The following PDE4B variants were observed in gnomAD, a reference collection of about 807,000 sequenced individuals.
The protein encoded by PDE4B is phosphodiesterase 4B, also known as 3',5'-cyclic-AMP phosphodiesterase 4B.
In PDE4B, 20 loss-of-function variants were observed where a neutral mutation model predicts 82.2. The observed-to-expected ratio is 0.24, with a 90% confidence interval of 0.17 to 0.35. The LOEUF (loss-of-function observed/expected upper bound fraction) is 0.35, where lower values mean the gene tolerates loss of function less well. Among genes scored for constraint, PDE4B ranks in the 10% least tolerant of loss-of-function variants. The pLI, the probability that PDE4B is intolerant of heterozygous loss-of-function variation, is 1.00. For synonymous variants in PDE4B, 320 were observed against 318.9 expected, an observed-to-expected ratio of 1.00 and a Z score of -0.04; for missense variants, 655 against 907.2, an observed-to-expected ratio of 0.72 and a Z score of 3.57.
At chr1:66,221,393 A>G (rs1281189548) in intron 3 of PDE4B, among the ~76,000 whole-genome samples, 4 of 152,196 alleles carry the variant, frequency 2.6e-5, no homozygotes, top group Admixed American at 6.5e-5. Flanking sequence ...ACAATTGCTC[A>G]AGGGCATAGA....
At chr1:66,316,419 T>G (rs542002859) in intron 7 of PDE4B, among the ~76,000 whole-genome samples, 2 of 152,354 alleles carry the variant, frequency 1.3e-5, no homozygotes, top group East Asian at 3.9e-4. Flanking sequence ...CTTTAAAAAT[T>G]GCCTTAGGCA....
intron 7 of PDE4B, among the ~76,000 whole-genome samples, chr1:66,327,143 A>C (rs1419313250): frequency 2.0e-5 from 3 of 152,048 alleles, no homozygotes; most frequent in African/African-American, 7.2e-5. Context: ...TCTTCTCTGG[A>C]TCTCTCCCTC....
intron 3 of PDE4B, among the ~76,000 whole-genome samples, chr1:65,994,434 A>T (rs1395266210): frequency 6.6e-6 from 1 of 152,086 alleles, no homozygotes; most frequent in Non-Finnish European, 1.5e-5. Context: ...GTATTACATC[A>T]TGTTGTTTAA....
At position 66,107,752 on chromosome 1, in the gene PDE4B, C is replaced by G. The variant is rs546944381; in HGVS notation, c.282-139708C>G. ...AGTAAGTCTTTCTGAAGATTGGATA[C>G]TGTAAAATCCAAAACTATTCTAAGC... On this transcript the variant is annotated intron_variant, in intron 3 of 16. Coordinates refer to ENST00000341517, the MANE Select transcript of PDE4B (RefSeq NM_002600.4). Among the ~76,000 whole-genome samples the G allele has an allele frequency of 5.8e-4, 88 of 151,888 alleles. 1 individual carries two copies. The highest frequency in any genetic ancestry group is 2.1e-3 in the African/African-American group (86 of 41,500).
At chr1:65,894,410 A>G (rs1646886640) in intron 1 of PDE4B, among the ~76,000 whole-genome samples, 2 of 152,196 alleles carry the variant, frequency 1.3e-5, no homozygotes, top group African/African-American at 4.8e-5. Flanking sequence ...TACATATGAA[A>G]CTTAAATATA....
intron 3 of PDE4B, among the ~76,000 whole-genome samples, chr1:65,968,949 A>T (rs1649990183): frequency 6.6e-6 from 1 of 152,188 alleles, no homozygotes; most frequent in South Asian, 2.1e-4. Flanking sequence ...ATATTAAAAT[A>T]TTCATAACCA....
At chr1:66,313,958 CT>C (rs775811523) in intron 7 of PDE4B, among the ~76,000 whole-genome samples, 1 of 152,124 alleles carries the variant, frequency 6.6e-6, no homozygotes, top group Non-Finnish European at 1.5e-5. Context: ...TCTCCCCCTC[CT>C]CCCCTAACTC....
intron 3 of PDE4B, among the ~76,000 whole-genome samples, chr1:66,129,146 T>C (rs1023618399): frequency 2.6e-5 from 4 of 152,242 alleles, no homozygotes; most frequent in Admixed American, 6.5e-5. Flanking sequence ...TCTAGAGACG[T>C]TGTGTTATTC....
intron 3 of PDE4B, among the ~76,000 whole-genome samples, chr1:66,047,622 G>A (rs568827478): frequency 7.5e-4 from 114 of 151,992 alleles, no homozygotes; most frequent in African/African-American, 2.6e-3. Context: ...GTGGCAGAAA[G>A]TTCCATATAG....
At chr1:65,830,951 T>C (rs1646075275) in intron 1 of PDE4B, among the ~76,000 whole-genome samples, 1 of 152,040 alleles carries the variant, frequency 6.6e-6, no homozygotes, top group Non-Finnish European at 1.5e-5. Flanking sequence ...TCAGCCTAAA[T>C]TTACTCTAAA....
rs369926328 is a variant in PDE4B at position 66,140,282 on chromosome 1, G to A, written c.282-107178G>A. ...GCAAATCCAGAAAGGCCAGCCACTCGAAACCGCCTCAGAGAGGGCCAGGAA... is the reference window on the plus strand; with the variant it reads ...GCAAATCCAGAAAGGCCAGCCACTCAAAACCGCCTCAGAGAGGGCCAGGAA... On this transcript the variant is annotated intron_variant, in intron 3 of 16. Coordinates refer to ENST00000341517, the MANE Select transcript of PDE4B (RefSeq NM_002600.4). Among the ~76,000 whole-genome samples, 173 of 152,212 alleles carry A rather than the reference G, an allele frequency of 1.1e-3. 1 individual carries two copies. The highest frequency in any genetic ancestry group is 6.6e-3 in the East Asian group (34 of 5,188).
At chr1:66,160,867 A>G (rs1188730971) in intron 3 of PDE4B, among the ~76,000 whole-genome samples, 1 of 152,194 alleles carries the variant, frequency 6.6e-6, no homozygotes, top group Non-Finnish European at 1.5e-5. Context: ...AGGTGCCTCT[A>G]TCAGACTTCA....
chr1:65,815,852 T>A (rs1462493265), intron 1 of PDE4B, among the ~76,000 whole-genome samples: 1 of 152,230 alleles, frequency 6.6e-6, no homozygotes, highest in East Asian at 1.9e-4. Context: ...CATATTGCTA[T>A]ATAAGGAAGG....
intron 7 of PDE4B, among the ~76,000 whole-genome samples, chr1:66,298,481 C>A (rs1476792096): frequency 6.6e-6 from 1 of 152,124 alleles, no homozygotes; most frequent in Non-Finnish European, 1.5e-5. Context: ...TTAAGTTGAA[C>A]CTATGGGGGA....
At chr1:66,236,937 G>A (rs11208822) in intron 3 of PDE4B, among the ~76,000 whole-genome samples, 31,268 of 151,992 alleles carry the variant, frequency 0.21, 6,646 homozygotes, top group African/African-American at 0.53. Context: ...GAATTTTCAC[G>A]TCTATAAAAA....
chr1:65,889,961 G>A (rs903285824), intron 1 of PDE4B, among the ~76,000 whole-genome samples: 1 of 151,990 alleles, frequency 6.6e-6, no homozygotes, highest in African/African-American at 2.4e-5. Flanking sequence ...CCCCAAAACC[G>A]AATCATGCCA....
intron 3 of PDE4B, among the ~76,000 whole-genome samples, chr1:66,129,984 A>G (rs909215343): frequency 6.6e-6 from 1 of 152,226 alleles, no homozygotes; most frequent in Non-Finnish European, 1.5e-5. Flanking sequence ...AACAGAAGTT[A>G]TTTTTAAAAC....
At chr1:66,056,529 TATC>T (rs772373812) in intron 3 of PDE4B, among the ~76,000 whole-genome samples, 33 of 82,380 alleles carry the variant, frequency 4.0e-4, no homozygotes, top group African/African-American at 1.3e-3. Flanking sequence ...TCTATCTATC[TATC>T]ATCTATCTAT....
At chr1:65,833,874 G>A (rs775404293) in intron 1 of PDE4B, among the ~76,000 whole-genome samples, 20 of 152,070 alleles carry the variant, frequency 1.3e-4, no homozygotes, top group Non-Finnish European at 2.8e-4. Context: ...CAAAAACTAG[G>A]TAATGACACT....
Sources: allele counts gnomAD v4.1 joint callset (sites outside exome capture counted in the v4.1 genomes callset), GRCh38; gene constraint gnomAD v4.1.1; transcripts MANE v1.5; gene names NCBI Gene and HGNC (gene_info 2026-07-23, HGNC 2026-07-21).